The following ANPEP variants were observed in gnomAD, a reference collection of about 807,000 sequenced individuals.
The protein encoded by ANPEP is alanyl aminopeptidase, membrane.
In ANPEP, 70 loss-of-function variants were observed where a neutral mutation model predicts 114.6. That is an observed-to-expected ratio of 0.61 (90% CI 0.50 to 0.75). The LOEUF (loss-of-function observed/expected upper bound fraction) is 0.75. Among genes scored for constraint, ANPEP ranks in the 30% least tolerant of loss-of-function variants. The pLI, the probability that ANPEP is intolerant of heterozygous loss-of-function variation, is 0.00. For synonymous variants in ANPEP, 548 were observed against 522.3 expected, an observed-to-expected ratio of 1.05 and a Z score of -0.67; for missense variants, 1,184 against 1,259.5, an observed-to-expected ratio of 0.94 and a Z score of 0.91.
Position 89,803,002 on chromosome 15 carries a change from G to T in ANPEP, c.1569+237C>A. ...CTCTACAGCTCCCATCAAGAAGCCCGCTGTAGCCTGAGGTCAGCTGCTGGC... is the reference window on the plus strand; with the variant it reads ...CTCTACAGCTCCCATCAAGAAGCCCTCTGTAGCCTGAGGTCAGCTGCTGGC... On this transcript the variant is annotated intron_variant, in intron 10 of 20. Transcript: ENST00000300060. The surrounding 1 kb of genome is among the most constrained non-coding windows in gnomAD (Gnocchi z 4.2). Among the ~76,000 whole-genome samples, 1 of 152,072 alleles carries T rather than the reference G, an allele frequency of 6.6e-6. No homozygotes were observed. Among genetic ancestry groups the T allele is most frequent in the South Asian group, 2.1e-4 (1 of 4,830 alleles).
intron 18 of ANPEP, among the ~76,000 whole-genome samples, chr15:89,791,550 G>C (rs1007986654): frequency 6.6e-6 from 1 of 151,592 alleles, no homozygotes; most frequent in African/African-American, 2.4e-5. Flanking sequence ...TGATTCTCCT[G>C]CCTCAGCCTC....
chr15:89,785,181 C>T lies in ANPEP; in HGVS notation c.*168G>A, dbSNP rs1648097548. 2.2e-6 allele frequency: 2 copies of T among 903,350 alleles called. No homozygotes were observed. The highest frequency in any genetic ancestry group is 3.3e-6 in the Non-Finnish European group (2 of 604,776). 56.0% of individuals were successfully genotyped at this position (903,350 alleles called of 1,614,324 possible). On this transcript the variant is annotated 3_prime_UTR_variant, in exon 21 of 21. Transcript: ENST00000300060. The stretch of plus-strand genomic sequence containing the variant: ...GAGGTGCTCAGGCAGCCTGGGTCAT[C>T]AGGAACTAGACTGGCTCACAGGCAG...
In ANPEP at chr15:89,804,484, C is replaced by T; in HGVS notation, c.1024+7G>A. 1 of 1,614,230 alleles carries T rather than the reference C, an allele frequency of 6.2e-7. No homozygotes were observed. Among genetic ancestry groups the T allele is most frequent in the Non-Finnish European group, 8.5e-7 (1 of 1,180,032 alleles). On this transcript the variant is annotated splice_region_variant and intron_variant, in intron 5 of 20. Coordinates refer to ENST00000300060, the MANE Select transcript of ANPEP (RefSeq NM_001150.3). ...CACTGCCTCCCTCCTCAAGGACCCC[C>T]ACTCACCTGATTTTGGGAGTGGGTA... is the stretch of plus-strand genomic sequence containing the variant.
At chr15:89,800,008 T>A (rs1248653926) in intron 12 of ANPEP, among the ~76,000 whole-genome samples, 1 of 151,276 alleles carries the variant, frequency 6.6e-6, no homozygotes, top group Non-Finnish European at 1.5e-5. Flanking sequence ...TGGGTCCCCC[T>A]CCTCCCTCAC....
chr15:89,801,663 C>G lies in ANPEP; in HGVS notation c.1570-56G>C, dbSNP rs1394534075. The G allele has an allele frequency of 1.9e-6, 3 of 1,579,756 alleles. No homozygotes were observed. The African/African-American group carries it at 4.0e-5, about 21-fold the overall frequency. ...AGTGGGACCCTCCAGTCCCTGCCATCCAGGGCATCTCCTGCAGATTCTCGC... is the reference window on the plus strand; with the variant it reads ...AGTGGGACCCTCCAGTCCCTGCCATGCAGGGCATCTCCTGCAGATTCTCGC... On this transcript the variant is annotated intron_variant, in intron 10 of 20. Coordinates refer to ENST00000300060, the MANE Select transcript of ANPEP (RefSeq NM_001150.3).
intron 20 of ANPEP, among the ~76,000 whole-genome samples, chr15:89,786,818 G>A (rs1191266662): frequency 6.6e-6 from 1 of 151,984 alleles, no homozygotes; most frequent in Non-Finnish European, 1.5e-5. Flanking sequence ...AAATAGAATT[G>A]AGAATCCAAA....
chr15:89,789,243 G>A (rs1032404570), intron 20 of ANPEP, among the ~76,000 whole-genome samples: 5 of 151,660 alleles, frequency 3.3e-5, no homozygotes, highest in Non-Finnish European at 7.4e-5. Context: ...GCCTCCTAAA[G>A]TGCTGGGACT....
intron 17 of ANPEP, 50 bp downstream of exon 17, chr15:89,792,402 T>A: frequency 6.2e-7 from 1 of 1,612,666 alleles, no homozygotes; most frequent in Non-Finnish European, 8.5e-7. Context: ...AGGACGGGGC[T>A]GTTGGGGGCA....
In ANPEP at chr15:89,806,771, C is replaced by A. The variant is rs1226303082; in HGVS notation, c.-188G>T. On this transcript the variant is annotated 5_prime_UTR_variant, in exon 2 of 21. Transcript: ENST00000300060. This position sits in a 1 kb window ranked among gnomAD's most constrained non-coding sequence, Gnocchi z 5.7. ...CACGCTCCGCCTGGGGAGAGGAGAT[C>A]CAGGAACGGTGTGTGGAGCTGGGCT... 6 of 926,890 alleles carry A rather than the reference C, an allele frequency of 6.5e-6. No individual in the cohort carries two copies. Among genetic ancestry groups the A allele is most frequent in the African/African-American group, 1.7e-5 (1 of 60,078 alleles). The allele number at this position is 926,890 out of a possible 1,614,324, so 57.4% of individuals were successfully genotyped here.
In ANPEP at chr15:89,804,501, G is replaced by A. The variant is rs912918849; in HGVS notation, c.1014C>T (p.Leu338=). The change falls in exon 5 of 21, where the codon CTC becomes CTT. Residue 338 remains leucine (L), a synonymous_variant. Transcript: ENST00000300060. ...FAGHYDTPYP[L]PKSDQIGLPD... ...AGGACCCCCACTCACCTGATTTTGG[G>A]AGTGGGTAGGGTGTGTCATAATGAC... The A allele has an allele frequency of 6.2e-7, 1 of 1,614,234 alleles. No homozygotes were observed. Among genetic ancestry groups the A allele is most frequent in the African/African-American group, 1.3e-5 (1 of 75,066 alleles).
intron 1 of ANPEP, among the ~76,000 whole-genome samples, chr15:89,811,712 C>T (rs546306139): frequency 6.6e-6 from 1 of 151,946 alleles, no homozygotes; most frequent in East Asian, 1.9e-4. Context: ...TAAAAGGATC[C>T]TGTCCAGTTG....
At chr15:89,804,889 A>G (rs1894676883) in intron 4 of ANPEP, 189 bp downstream of exon 4, 1 of 910,732 alleles carries the variant, frequency 1.1e-6, no homozygotes, top group South Asian at 1.7e-5. Flanking sequence ...ATGAAGAGAA[A>G]CCATTGTTTT....
intron 1 of ANPEP, among the ~76,000 whole-genome samples, chr15:89,810,651 A>G (rs1037408105): frequency 3.3e-5 from 5 of 152,100 alleles, no homozygotes; most frequent in African/African-American, 1.2e-4. Flanking sequence ...AAGCACCTCA[A>G]AGGAAGGCCT....
chr15:89,799,323 G>T lies in ANPEP; in HGVS notation c.1954-8C>A. On this transcript the variant is annotated splice_region_variant and splice_polypyrimidine_tract_variant and intron_variant, in intron 13 of 20. Coordinates refer to ENST00000300060, the MANE Select transcript of ANPEP (RefSeq NM_001150.3). The surrounding 1 kb of genome is among the most constrained non-coding windows in gnomAD (Gnocchi z 4.2). ...ATTGATGACAGGGATGGCCTAGAAT[G>T]CGAAGCACAGCATGTGACCATGGGT... is the stretch of plus-strand genomic sequence containing the variant. 6.2e-7 allele frequency: 1 copy of T among 1,614,222 alleles called. No individual in the cohort carries two copies. Among genetic ancestry groups the T allele is most frequent in the Non-Finnish European group, 8.5e-7 (1 of 1,180,038 alleles).
rs764874824 is a variant in ANPEP, at chr15:89,799,410, G to T, written c.1953+16C>A. ...TCCTGGGGCAGGGGGCAGGGCGAGG[G>T]GTGGCAGACACTCACCGAGTGGTCT... On this transcript the variant is annotated intron_variant, in intron 13 of 20. Coordinates refer to ENST00000300060, the MANE Select transcript of ANPEP (RefSeq NM_001150.3). This position sits in a 1 kb window ranked among gnomAD's most constrained non-coding sequence, Gnocchi z 4.2. 1 of 1,614,012 alleles carries T rather than the reference G, an allele frequency of 6.2e-7. No individual in the cohort carries two copies. Among genetic ancestry groups the T allele is most frequent in the African/African-American group, 1.3e-5 (1 of 74,904 alleles).
At chr15:89,790,206 A>T (rs978577905) in intron 20 of ANPEP, among the ~76,000 whole-genome samples, 1 of 152,222 alleles carries the variant, frequency 6.6e-6, no homozygotes, top group East Asian at 1.9e-4. Flanking sequence ...TAATTGTTGA[A>T]CCTGGGTAAC....
At chr15:89,812,969 C>CA (rs1472234547) in intron 1 of ANPEP, among the ~76,000 whole-genome samples, 1 of 152,100 alleles carries the variant, frequency 6.6e-6, no homozygotes, top group Non-Finnish European at 1.5e-5. Context: ...ACTTGTTAGC[C>CA]AGGGAGTGCT....
At chr15:89,785,567 C>G in intron 20 of ANPEP, 66 bp from the exon 21 acceptor site, 1 of 1,598,486 alleles carries the variant, frequency 6.3e-7, no homozygotes, top group Non-Finnish European at 8.5e-7. Flanking sequence ...GGAGCTCTCT[C>G]AGGCCTCTGG....
At chr15:89,804,452 C>T (rs773909840) in intron 5 of ANPEP, 39 bp downstream of exon 5, 1 of 1,614,026 alleles carries the variant, frequency 6.2e-7, no homozygotes, top group South Asian at 1.1e-5. Flanking sequence ...GGGAGTGGAG[C>T]TCCATCCACT....
Sources: allele counts gnomAD v4.1 joint callset (sites outside exome capture counted in the v4.1 genomes callset), GRCh38; gene constraint gnomAD v4.1.1; non-coding constraint Gnocchi (gnomAD v3.1); transcripts MANE v1.5; gene names NCBI Gene and HGNC (gene_info 2026-07-23, HGNC 2026-07-21).